Variants in HSDL2 observed in about 807,000 individuals in gnomAD.
HSDL2 encodes the protein hydroxysteroid dehydrogenase like 2, also known as hydroxysteroid dehydrogenase-like protein 2.
A neutral mutation model predicts 46.3 loss-of-function variants in HSDL2; 27 were observed. That is an observed-to-expected ratio of 0.58 (90% CI 0.43 to 0.80). The LOEUF is 0.80. HSDL2 is among the 30% of genes least tolerant of loss of function. The probability of loss-of-function intolerance (pLI) is 0.00; values close to 1 mark genes in which losing one functional copy is unlikely to be tolerated. For missense variants in HSDL2, 451 were observed against 502.7 expected, an observed-to-expected ratio of 0.90 and a Z score of 0.98; for synonymous variants, 153 against 163.6, an observed-to-expected ratio of 0.94 and a Z score of 0.50.
At chr9:112,418,495 G>A (rs578169133) in intron 5 of HSDL2, among the ~76,000 whole-genome samples, 2 of 149,590 alleles carry the variant, frequency 1.3e-5, no homozygotes, top group East Asian at 3.9e-4. Flanking sequence ...AGGTGGGAGG[G>A]TTGCTTGAGC....
chr9:112,430,514 TA>T (rs1832362693), intron 6 of HSDL2, among the ~76,000 whole-genome samples: 1 of 152,092 alleles, frequency 6.6e-6, no homozygotes, highest in Non-Finnish European at 1.5e-5. Context: ...TGATCAAACC[TA>T]AATGTTTAAA....
At chr9:112,423,996 G>A (rs1345920964) in intron 6 of HSDL2, among the ~76,000 whole-genome samples, 3 of 151,312 alleles carry the variant, frequency 2.0e-5, no homozygotes, top group Non-Finnish European at 2.9e-5. Flanking sequence ...TTACAAGCGT[G>A]AGCCACCACA....
intron 3 of HSDL2, among the ~76,000 whole-genome samples, chr9:112,406,085 T>A (rs1011367950): frequency 6.6e-6 from 1 of 151,094 alleles, no homozygotes; most frequent in African/African-American, 2.4e-5. Flanking sequence ...TGCTTGAACC[T>A]GGGAGGTGGA....
chr9:112,461,207 C>T (rs1833200926), intron 10 of HSDL2, among the ~76,000 whole-genome samples: 1 of 151,784 alleles, frequency 6.6e-6, no homozygotes, highest in African/African-American at 2.4e-5. Context: ...CCTCCAGAGT[C>T]GCTGGGATTA....
At chr9:112,398,533 G>A (rs939845699) in intron 1 of HSDL2, among the ~76,000 whole-genome samples, 3 of 151,982 alleles carry the variant, frequency 2.0e-5, no homozygotes, top group East Asian at 1.9e-4. Flanking sequence ...CCTCAATATC[G>A]TCAGGTAGGG....
chr9:112,391,898 AG>A (rs67423782), intron 1 of HSDL2, among the ~76,000 whole-genome samples: 56,688 of 140,898 alleles, frequency 0.4, 11,517 homozygotes, highest in Middle Eastern at 0.48. Context: ...AAAAAAAAAA[AG>A]AAAAGAAAAG....
At chr9:112,396,785 AC>A (rs1831466705) in intron 1 of HSDL2, among the ~76,000 whole-genome samples, 2 of 152,108 alleles carry the variant, frequency 1.3e-5, no homozygotes, top group African/African-American at 2.4e-5. Flanking sequence ...GAGATTGACC[AC>A]CCCGCCCCCT....
At chr9:112,388,250 C>G (rs1313081915) in intron 1 of HSDL2, among the ~76,000 whole-genome samples, 1 of 151,902 alleles carries the variant, frequency 6.6e-6, no homozygotes, top group Non-Finnish European at 1.5e-5. Flanking sequence ...ATCACGAGGT[C>G]AGGAGTTCAA....
At chr9:112,447,092 A>T (rs914443935) in intron 8 of HSDL2, among the ~76,000 whole-genome samples, 1 of 152,096 alleles carries the variant, frequency 6.6e-6, no homozygotes, top group African/African-American at 2.4e-5. Context: ...AGTCTAGGTG[A>T]TATTCAGTAT....
At chr9:112,420,913 T>C (rs1832105931) in intron 6 of HSDL2, among the ~76,000 whole-genome samples, 2 of 152,054 alleles carry the variant, frequency 1.3e-5, no homozygotes, top group Admixed American at 6.6e-5. Flanking sequence ...AGCCTCAACG[T>C]GTGTGTTTAT....
intron 9 of HSDL2, among the ~76,000 whole-genome samples, chr9:112,454,526 C>A (rs1276163718): frequency 1.3e-5 from 2 of 151,946 alleles, no homozygotes; most frequent in Non-Finnish European, 2.9e-5. Context: ...CAAATACTCC[C>A]AGTGTTATAT....
rs549275371 is a variant in HSDL2, at chr9:112,386,303, G to T, written c.17+6123G>T. On this transcript the variant is annotated intron_variant, in intron 1 of 10. Transcript: ENST00000398805. ...TGGAAACACTTTTCTTCTGACTGAAGTGTAACCTTTAGTAAATAAGGTGTA... is the reference window on the plus strand; with the variant it reads ...TGGAAACACTTTTCTTCTGACTGAATTGTAACCTTTAGTAAATAAGGTGTA... Among the ~76,000 whole-genome samples the T allele has an allele frequency of 2.0e-5, 3 of 152,196 alleles. No individual in the cohort carries two copies. In the East Asian group the frequency reaches 5.8e-4, roughly 29 times the overall value.
chr9:112,420,809 C>T (rs755310307), intron 6 of HSDL2, among the ~76,000 whole-genome samples: 40 of 152,138 alleles, frequency 2.6e-4, no homozygotes, highest in Non-Finnish European at 5.3e-4. Flanking sequence ...ACATCATATA[C>T]ATTTCTGTTA....
chr9:112,381,592 G>A lies in HSDL2; in HGVS notation c.17+1412G>A, dbSNP rs1346219443. ...GATGGTCTCAATCTCATGACCTCGT[G>A]ATCCGTCTGCCTCGGCCTCCCAAAG... On this transcript the variant is annotated intron_variant, in intron 1 of 10. Coordinates refer to ENST00000398805, the MANE Select transcript of HSDL2 (RefSeq NM_032303.5). Among the ~76,000 whole-genome samples, 3 of 152,248 alleles carry A rather than the reference G, an allele frequency of 2.0e-5. No homozygotes were observed. The East Asian group carries it at 5.8e-4, about 30-fold the overall frequency.
chr9:112,390,191 T>A (rs1165666324), intron 1 of HSDL2, among the ~76,000 whole-genome samples: 1 of 152,098 alleles, frequency 6.6e-6, no homozygotes, highest in Non-Finnish European at 1.5e-5. Flanking sequence ...ATCATTTGCC[T>A]TATCAGTTAT....
At chr9:112,392,150 G>T (rs1330963347) in intron 1 of HSDL2, among the ~76,000 whole-genome samples, 1 of 152,176 alleles carries the variant, frequency 6.6e-6, no homozygotes, top group African/African-American at 2.4e-5. Context: ...TTTCAAAAGA[G>T]GGGGAGGTGT....
At chr9:112,456,044 T>C (rs1833013807) in intron 9 of HSDL2, among the ~76,000 whole-genome samples, 1 of 152,240 alleles carries the variant, frequency 6.6e-6, no homozygotes, top group Non-Finnish European at 1.5e-5. Context: ...TTGCAGTCCA[T>C]GGATCATACT....
intron 6 of HSDL2, among the ~76,000 whole-genome samples, chr9:112,424,968 A>T (rs1163121758): frequency 6.6e-6 from 1 of 152,090 alleles, no homozygotes; most frequent in Non-Finnish European, 1.5e-5. Context: ...CTTATCACAA[A>T]AAGTGACAAC....
chr9:112,459,297 T>C, intron 9 of HSDL2, 152 bp from the exon 10 acceptor site: 5 of 737,008 alleles, frequency 6.8e-6, no homozygotes, highest in African/African-American at 1.8e-5. Context: ...CTGGACGTGC[T>C]TAATAAATAT....
Sources: allele counts gnomAD v4.1 joint callset (sites outside exome capture counted in the v4.1 genomes callset), GRCh38; gene constraint gnomAD v4.1.1; transcripts MANE v1.5; gene names NCBI Gene and HGNC (gene_info 2026-07-23, HGNC 2026-07-21).